KIF27: variants seen among roughly 807,000 people sequenced by gnomAD.
The protein encoded by KIF27 is kinesin-like protein KIF27.
In KIF27, 84 loss-of-function variants were observed where a neutral mutation model predicts 141.8. The ratio of observed to expected loss-of-function variants is 0.59; its 90% confidence interval spans 0.50 to 0.71. The LOEUF is 0.71. Among genes scored for constraint, KIF27 ranks in the 30% least tolerant of loss-of-function variants. The pLI, the probability that KIF27 is intolerant of heterozygous loss-of-function variation, is 0.00. For synonymous variants in KIF27, 471 were observed against 569.5 expected, an observed-to-expected ratio of 0.83 and a Z score of 2.46; for missense variants, 1,306 against 1,628.4, an observed-to-expected ratio of 0.80 and a Z score of 3.41.
chr9:83,866,054 T>C (rs537873537), intron 13 of KIF27, among the ~76,000 whole-genome samples: 3 of 151,932 alleles, frequency 2.0e-5, no homozygotes, highest in Admixed American at 6.6e-5. Context: ...CTACCTGGAG[T>C]TTTTTTGACT....
At chr9:83,840,669 A>G (rs1348460763) in intron 17 of KIF27, among the ~76,000 whole-genome samples, 3 of 152,126 alleles carry the variant, frequency 2.0e-5, no homozygotes, top group Admixed American at 1.3e-4. Context: ...CTTACTTGAT[A>G]CTTGTTTACT....
chr9:83,850,354 T>C, intron 15 of KIF27, 57 bp from the exon 16 acceptor site: 1 of 1,075,652 alleles, frequency 9.3e-7, no homozygotes. Flanking sequence ...AATATAATAA[T>C]CTACTTTTCT....
intron 13 of KIF27, chr9:83,863,760 C>A (rs1388307508): frequency 6.6e-6 from 1 of 152,170 alleles, no homozygotes; most frequent in African/African-American, 2.4e-5. Flanking sequence ...GGTACCAGCT[C>A]CTCCTTGTAC....
chr9:83,840,735 C>T (rs1439176101), intron 17 of KIF27, among the ~76,000 whole-genome samples: 3 of 152,160 alleles, frequency 2.0e-5, no homozygotes, highest in Non-Finnish European at 2.9e-5. Context: ...ATATAGCAGA[C>T]AGTATTTCAA....
intron 6 of KIF27, among the ~76,000 whole-genome samples, chr9:83,890,323 T>C (rs1359643836): frequency 6.6e-6 from 1 of 151,976 alleles, no homozygotes; most frequent in Non-Finnish European, 1.5e-5. Context: ...GGCCTCCCAA[T>C]GGGGTATGAG....
Position 83,857,774 on chromosome 9 carries a change from C to G in KIF27, c.3150+1382G>C, listed in dbSNP as rs566580541. ...TAATCTAGCTCAAGATTCTGATCTA[C>G]TGAGGCTGCCTTGATGAATCTTCCC... On this transcript the variant is annotated intron_variant, in intron 14 of 17. Coordinates refer to ENST00000297814, the MANE Select transcript of KIF27 (RefSeq NM_017576.4). Among the ~76,000 whole-genome samples, 3 of 152,222 alleles carry G rather than the reference C, an allele frequency of 2.0e-5. No homozygotes were observed. The East Asian group carries it at 5.8e-4, about 29-fold the overall frequency.
chr9:83,874,811 G>A (rs970046131), intron 11 of KIF27, among the ~76,000 whole-genome samples: 1 of 149,982 alleles, frequency 6.7e-6, no homozygotes, highest in Admixed American at 6.6e-5. Context: ...GCATGTGCCT[G>A]CAGTCCTAGC....
chr9:83,903,526 G>A lies in KIF27; in HGVS notation c.992C>T (p.Ser331Phe), dbSNP rs754337057. The change falls in exon 4 of 18, where the codon TCT becomes TTT. Residue 331 changes from serine (S) to phenylalanine (F), a missense_variant. Ser to Phe is a radical substitution (Grantham distance 155, BLOSUM62 -2). Transcript: ENST00000297814. ...CCGTGCTCTGTTGGCATATTTGAGA[G>A]AATTTAAGGACTCATCAAAATTCGA... ...SSSNFDESLN[S>F]LKYANRARNI... 2.5e-6 allele frequency: 4 copies of A among 1,613,980 alleles called. No homozygotes were observed. Among genetic ancestry groups the A allele is most frequent in the Non-Finnish European group, 3.4e-6 (4 of 1,180,004 alleles).
intron 11 of KIF27, among the ~76,000 whole-genome samples, chr9:83,873,677 A>G (rs565918526): frequency 1.3e-5 from 2 of 152,302 alleles, no homozygotes; most frequent in Admixed American, 1.3e-4. Flanking sequence ...ATAGCCCTAG[A>G]CATTTCAGGA....
intron 5 of KIF27, among the ~76,000 whole-genome samples, chr9:83,892,863 G>A (rs1437308606): frequency 6.6e-6 from 1 of 152,194 alleles, no homozygotes; most frequent in Non-Finnish European, 1.5e-5. Context: ...TTCTACATTT[G>A]TGTCCACTTA....
rs1310499594 is a variant in KIF27 at position 83,885,379 on chromosome 9, C to T, written c.2240-1361G>A. Among the ~76,000 whole-genome samples, 4 of 152,196 alleles carry T rather than the reference C, an allele frequency of 2.6e-5. No homozygotes were observed. In the East Asian group the frequency reaches 7.7e-4, roughly 29 times the overall value. On this transcript the variant is annotated intron_variant, in intron 9 of 17. Coordinates refer to ENST00000297814, the MANE Select transcript of KIF27 (RefSeq NM_017576.4). Reference sequence around the variant, plus strand: ...AAGTGCTGGGATTACAGGCGTGAGCCACCGTGCCCAGCCTATTATACTATT... The same window carrying T: ...AAGTGCTGGGATTACAGGCGTGAGCTACCGTGCCCAGCCTATTATACTATT...
At chr9:83,900,169 T>C (rs943492905) in intron 4 of KIF27, among the ~76,000 whole-genome samples, 2 of 152,034 alleles carry the variant, frequency 1.3e-5, no homozygotes, top group South Asian at 2.1e-4. Context: ...AATTGACATA[T>C]AGGGTTATAA....
In KIF27 at chr9:83,878,161, C is replaced by CAAA. The variant is rs58897060; in HGVS notation, c.2643+2133_2643+2135dup. Among the ~76,000 whole-genome samples the CAAA allele has an allele frequency of 9.9e-4, 38 of 38,466 alleles. 6 individuals carry two copies. Among genetic ancestry groups the CAAA allele is most frequent in the Non-Finnish European group, 1.6e-3 (32 of 19,764 alleles). The allele number at this position is 38,466 out of a possible 152,430, so 25.2% of individuals were successfully genotyped here. A position where few individuals can be genotyped will look rare whatever the true frequency, so the allele number is the denominator to read the frequency against. ...CCTGGGCAACAGAGAGACTCTGTCT[C>CAAA]AAAAAAAAAAAAAAAAAAAAAAAAA... On this transcript the variant is annotated intron_variant, in intron 11 of 17. Transcript: ENST00000297814.
chr9:83,909,201 GA>G (rs1954887993), intron 2 of KIF27, among the ~76,000 whole-genome samples: 1 of 151,870 alleles, frequency 6.6e-6, no homozygotes, highest in Admixed American at 6.6e-5. Flanking sequence ...GTACCTGGAG[GA>G]AAAAAAATAC....
At chr9:83,912,459 C>T (rs1007321346) in intron 2 of KIF27, among the ~76,000 whole-genome samples, 12 of 152,194 alleles carry the variant, frequency 7.9e-5, no homozygotes, top group African/African-American at 2.4e-4. Flanking sequence ...AGGAACTAGC[C>T]TGTAGGAAAT....
intron 10 of KIF27, among the ~76,000 whole-genome samples, chr9:83,881,094 G>A (rs1351306883): frequency 2.0e-5 from 3 of 151,896 alleles, no homozygotes; most frequent in Admixed American, 2.0e-4. Context: ...GTTAATCCCT[G>A]AGTTAGGATG....
Position 83,883,939 on chromosome 9 carries a change from G to C in KIF27, c.2319C>G (p.Val773=), listed in dbSNP as rs765634941. Reference sequence around the variant, plus strand: ...GCTGCTTTTGTGTTTCAATCAGTTCGACTTTTGCCTGTTCTGCATCATGCT... The same window carrying C: ...GCTGCTTTTGTGTTTCAATCAGTTCCACTTTTGCCTGTTCTGCATCATGCT... ...KLEHDAEQAK[V]ELIETQKQLQ... The change falls in exon 10 of 18, where the codon GTC becomes GTG. Residue 773 remains valine, a synonymous_variant. Coordinates refer to ENST00000297814, the MANE Select transcript of KIF27 (RefSeq NM_017576.4). 1 of 1,613,362 alleles carries C rather than the reference G, an allele frequency of 6.2e-7. No individual in the cohort carries two copies. Among genetic ancestry groups the C allele is most frequent in the Non-Finnish European group, 8.5e-7 (1 of 1,179,616 alleles).
rs1950493675 is a variant in KIF27 at position 83,867,812 on chromosome 9, G to A, written c.2806C>T (p.Leu936=). 1.9e-6 allele frequency: 3 copies of A among 1,611,496 alleles called. No individual in the cohort carries two copies. Among genetic ancestry groups the A allele is most frequent in the Admixed American group, 3.3e-5 (2 of 59,732 alleles). ...TCCTCTAATTCTTGGCGTTGGTTCA[G>A]AACTTTCTCTACTTCTTCATCTAAC... ...KWLDEEVEKV[L]NQRQELEELE... is the part of the protein sequence containing the mutation. Residue 936 remains leucine (L), a synonymous_variant, in exon 13 of 18, where the codon CTG becomes TTG. Transcript: ENST00000297814.
chr9:83,843,600 T>C lies in KIF27; in HGVS notation c.3557-1199A>G, dbSNP rs191211370. 6.2e-3 allele frequency among the ~76,000 whole-genome samples: 949 copies of C among 152,320 alleles called. 8 individuals are homozygous for C. Among genetic ancestry groups the C allele is most frequent in the African/African-American group, 0.021 (860 of 41,568 alleles). ...TACTTAAAATTAATGAGATCATAAATCAGAATCCCCATAAAGTATGTCATA... is the reference window on the plus strand; with the variant it reads ...TACTTAAAATTAATGAGATCATAAACCAGAATCCCCATAAAGTATGTCATA... On this transcript the variant is annotated intron_variant, in intron 16 of 17. Coordinates refer to ENST00000297814, the MANE Select transcript of KIF27 (RefSeq NM_017576.4).
Sources: allele counts gnomAD v4.1 joint callset (sites outside exome capture counted in the v4.1 genomes callset), GRCh38; gene constraint gnomAD v4.1.1; transcripts MANE v1.5; gene names NCBI Gene and HGNC (gene_info 2026-07-23, HGNC 2026-07-21).